PCBP4: variants seen among roughly 807,000 people sequenced by gnomAD.
PCBP4 encodes poly(rC)-binding protein 4.
In PCBP4, 24 loss-of-function variants were observed where a neutral mutation model predicts 46.2. The ratio of observed to expected loss-of-function variants is 0.52; its 90% CI spans 0.38 to 0.73. PCBP4 has a LOEUF of 0.73. Ranked by LOEUF, PCBP4 falls within the 30% of genes least tolerant of loss-of-function variation. The pLI is 0.00. For missense variants in PCBP4, 407 were observed against 537.0 expected, an observed-to-expected ratio of 0.76 and a Z score of 2.39; for synonymous variants, 203 against 224.4, an observed-to-expected ratio of 0.90 and a Z score of 0.85.
rs1443383168 is a variant in PCBP4, at chr3:51,959,795, C to T, written c.516+100G>A. On this transcript the variant is annotated intron_variant, in intron 8 of 13. Coordinates refer to ENST00000461554, the MANE Select transcript of PCBP4 (RefSeq NM_001174100.2). This position sits in a 1 kb window ranked among gnomAD's most constrained non-coding sequence, Gnocchi z 5.6. ...CTCATCATCCATCCCTGCAGCCCTG[C>T]CCTGCCCCACCTGCAGCACAGGCAT... The T allele has an allele frequency of 2.0e-6, 3 of 1,517,324 alleles. No individual in the cohort carries two copies. Among genetic ancestry groups the T allele is most frequent in the Non-Finnish European group, 2.7e-6 (3 of 1,120,484 alleles). The allele number at this position is 1,517,324 out of a possible 1,614,324, so 94.0% of individuals were successfully genotyped here. A position where few individuals can be genotyped will look rare whatever the true frequency, so the allele number is the denominator to read the frequency against.
rs538270374 is a variant in PCBP4 at position 51,961,590 on chromosome 3, A to G, written c.-64-286T>C. 1.8e-4 allele frequency: 61 copies of G among 345,672 alleles called. No homozygotes were observed. In the Middle Eastern group the frequency reaches 3.9e-3, roughly 22 times the overall value. 21.4% of individuals were successfully genotyped at this position (345,672 alleles called of 1,614,324 possible). On this transcript the variant is annotated intron_variant, in intron 2 of 13. Transcript: ENST00000461554. Reference sequence around the variant, plus strand: ...GAGAATTAAAACAATAAGCACATACATGGTAGGTACCTAGCCTTTCCCTTA... The same window carrying G: ...GAGAATTAAAACAATAAGCACATACGTGGTAGGTACCTAGCCTTTCCCTTA...
rs562650947 is a variant in PCBP4 at position 51,959,365 on chromosome 3, A to G, written c.636+2T>C. On this transcript the variant is annotated splice_donor_variant, in intron 10 of 13. Transcript: ENST00000461554. LOFTEE classifies it high-confidence loss of function. The surrounding 1 kb of genome is among the most constrained non-coding windows in gnomAD (Gnocchi z 5.6). ...GGGTGCCTTGGGCTATGGGTCACTCACCTCAGCTGGGGTCACAGCCCCATA... is the reference window on the plus strand; with the variant it reads ...GGGTGCCTTGGGCTATGGGTCACTCGCCTCAGCTGGGGTCACAGCCCCATA... 28 of 1,613,000 alleles carry G rather than the reference A, an allele frequency of 1.7e-5. No homozygotes were observed. The South Asian group carries it at 2.9e-4, about 16-fold the overall frequency.
chr3:51,961,813 G>A, intron 2 of PCBP4, 128 bp downstream of exon 2: 1 of 966,662 alleles, frequency 1.0e-6, no homozygotes. Context: ...AGCAGCTGGG[G>A]AGGAAGCTGG....
At position 51,958,217 on chromosome 3, in the gene PCBP4, G is replaced by C. The variant is rs1389721540; in HGVS notation, c.1056C>G (p.Ile352Met). 5 of 1,612,790 alleles carry C rather than the reference G, an allele frequency of 3.1e-6. No individual in the cohort carries two copies. In the South Asian group the frequency reaches 5.5e-5, roughly 18 times the overall value. Residue 352 changes from isoleucine (I) to methionine (M), a missense_variant, in exon 14 of 14, where the codon ATC (isoleucine) becomes ATG (methionine). Coordinates refer to ENST00000461554, the MANE Select transcript of PCBP4 (RefSeq NM_001174100.2). This position sits in a 1 kb window ranked among gnomAD's most constrained non-coding sequence, Gnocchi z 5.4. ...TGAGGCCGATGAAGTTGGAGAGGGA[G>C]ATGGCATAGGGTGTGCCCAGCAGGC... ...PPGLLGTPYA[I>M]SLSNFIGLKP...
Position 51,958,071 on chromosome 3 carries a change from G to T in PCBP4, c.1202C>A (p.Ser401Tyr), listed in dbSNP as rs568859772. The T allele has an allele frequency of 6.5e-7, 1 of 1,550,274 alleles. No individual in the cohort carries two copies. Among genetic ancestry groups the T allele is most frequent in the African/African-American group, 1.4e-5 (1 of 73,054 alleles). Reference protein sequence around the residue: ...GSKKAERQKFSPY With the variant: ...GSKKAERQKFYPY ...GTACCTCAGCTGGCCTCAGTAGGGG[G>T]AGAATTTCTGCCGCTCAGCCTTCTT... Residue 401 changes from serine to tyrosine, a missense_variant, in exon 14 of 14, where the codon TCC becomes TAC. Transcript: ENST00000461554. The surrounding 1 kb of genome is among the most constrained non-coding windows in gnomAD (Gnocchi z 5.4).
chr3:51,960,382 G>A lies in PCBP4; in HGVS notation c.256-62C>T. 6.3e-7 allele frequency: 1 copy of A among 1,590,288 alleles called. No homozygotes were observed. The highest frequency in any genetic ancestry group is 1.7e-5 in the Admixed American group (1 of 58,360). ...CCTGCTATATCTGCCCAGGGGTCAG[G>A]AGGGTACCCTTTCCCCAGTCCCACT... On this transcript the variant is annotated intron_variant, in intron 6 of 13. Coordinates refer to ENST00000461554, the MANE Select transcript of PCBP4 (RefSeq NM_001174100.2). The surrounding 1 kb of genome is among the most constrained non-coding windows in gnomAD (Gnocchi z 5.0).
At chr3:51,967,157 A>G (rs1700475280) in intron 1 of PCBP4, among the ~76,000 whole-genome samples, 169 bp downstream of exon 1, 1 of 152,126 alleles carries the variant, frequency 6.6e-6, no homozygotes, top group African/African-American at 2.4e-5. Context: ...CCTCTGGCAG[A>G]CCAGCGCCTC....
In PCBP4 at chr3:51,958,800, T is replaced by C; in HGVS notation, c.913A>G (p.Ile305Val). The C allele has an allele frequency of 6.2e-7, 1 of 1,612,394 alleles. No individual in the cohort carries two copies. Among genetic ancestry groups the C allele is most frequent in the South Asian group, 1.1e-5 (1 of 91,062 alleles). The change falls in exon 13 of 14, where the codon ATC becomes GTC. Residue 305 changes from isoleucine to valine, a missense_variant. Transcript: ENST00000461554. This position sits in a 1 kb window ranked among gnomAD's most constrained non-coding sequence, Gnocchi z 5.4. ...PVSIALAQYL[I>V]TACLETAKST... Reference sequence around the variant, plus strand: ...CCAGCCCGCGCTCACCAGGCAGTGATGAGGTACTGGGCCAGGGCGATGGAG... The same window carrying C: ...CCAGCCCGCGCTCACCAGGCAGTGACGAGGTACTGGGCCAGGGCGATGGAG...
Position 51,957,978 on chromosome 3 carries a change from G to A in PCBP4, c.*83C>T, listed in dbSNP as rs1255534767. ...CGTTAGCGGCGTTTGGGACCCCAGG[G>A]TGGAGTCTCCTTGGGCGGGTAGGGT... On this transcript the variant is annotated 3_prime_UTR_variant, in exon 14 of 14. Transcript: ENST00000461554. The A allele has an allele frequency of 7.5e-7, 1 of 1,326,838 alleles. No individual in the cohort carries two copies. The highest frequency in any genetic ancestry group is 1.5e-5 in the African/African-American group (1 of 67,080). The allele number at this position is 1,326,838 out of a possible 1,614,324, so 82.2% of individuals were successfully genotyped here.
intron 2 of PCBP4, chr3:51,961,617 C>T: frequency 2.8e-6 from 1 of 361,618 alleles, no homozygotes; most frequent in Middle Eastern, 1.1e-3. Context: ...TTTCCCTTAC[C>T]CTGAGACACT....
chr3:51,959,546 T>C lies in PCBP4; in HGVS notation c.591+31A>G, dbSNP rs2106733194. The C allele has an allele frequency of 6.5e-7, 1 of 1,542,648 alleles. No individual in the cohort carries two copies. The highest frequency in any genetic ancestry group is 2.4e-5 in the East Asian group (1 of 40,958). ...TATCTCAATCCCCCTTCTCCAGTAA[T>C]GTGTCCCACTGCTCCTGTTGTTCCC... is the stretch of plus-strand genomic sequence containing the variant. On this transcript the variant is annotated intron_variant, in intron 9 of 13. Transcript: ENST00000461554. The surrounding 1 kb of genome is among the most constrained non-coding windows in gnomAD (Gnocchi z 5.6).
intron 1 of PCBP4, 46 bp from the exon 2 acceptor site, chr3:51,962,134 G>A (rs1476738432): frequency 6.6e-6 from 1 of 152,156 alleles, no homozygotes; most frequent in African/African-American, 2.4e-5. Flanking sequence ...CACATTCCCA[G>A]CCTGGAACAC....
intron 1 of PCBP4, chr3:51,962,813 T>C (rs1700243889): frequency 6.6e-6 from 1 of 152,172 alleles, no homozygotes; most frequent in Admixed American, 6.5e-5. Flanking sequence ...TCCTCACCTA[T>C]CCAACGGAGG....
rs752663780 is a variant in PCBP4 at position 51,959,201 on chromosome 3, CCT to C, written c.700+26_700+27del. ...GGGGCTGCCCTCTTAGGACCCTCCC[CCT>C]GCCTCCTTGTGCAGGGGTGGCTTAC... is the stretch of plus-strand genomic sequence containing the variant. On this transcript the variant is annotated intron_variant, in intron 11 of 13. Coordinates refer to ENST00000461554, the MANE Select transcript of PCBP4 (RefSeq NM_001174100.2). This position sits in a 1 kb window ranked among gnomAD's most constrained non-coding sequence, Gnocchi z 5.6. The C allele has an allele frequency of 3.7e-6, 6 of 1,613,686 alleles. No individual in the cohort carries two copies. The highest frequency in any genetic ancestry group is 5.1e-6 in the Non-Finnish European group (6 of 1,179,788).
rs1290329098 is a variant in PCBP4 at position 51,957,864 on chromosome 3, C to G, written c.*197G>C. The G allele has an allele frequency of 1.8e-5, 9 of 498,340 alleles. No homozygotes were observed. The highest frequency in any genetic ancestry group is 3.1e-5 in the Non-Finnish European group (9 of 288,016). The allele number at this position is 498,340 out of a possible 1,614,324, so 30.9% of individuals were successfully genotyped here. On this transcript the variant is annotated 3_prime_UTR_variant, in exon 14 of 14. Transcript: ENST00000461554. ...CCCCTGCCCTGGGGCTGCCGCAGCT[C>G]AGACCCCTGGGCCAGAAACTGCCCC...
rs140296112 is a variant in PCBP4, at chr3:51,960,651, A to G, written c.139-9T>C. On this transcript the variant is annotated splice_polypyrimidine_tract_variant and intron_variant, in intron 5 of 13. Transcript: ENST00000461554. This position sits in a 1 kb window ranked among gnomAD's most constrained non-coding sequence, Gnocchi z 5.0. ...GTGATCCGGGCACTGCTCTGCAGAT[A>G]TAGAATGAGCGCCGGGCAGCGGGGC... 2,377 of 1,606,032 alleles carry G rather than the reference A, an allele frequency of 1.5e-3. 3 individuals carry two copies. The highest frequency in any genetic ancestry group is 1.4e-3 in the Non-Finnish European group (1,656 of 1,172,638).
Position 51,959,703 on chromosome 3 carries a change from TC to T in PCBP4, c.517-53del. The T allele has an allele frequency of 6.6e-7, 1 of 1,512,814 alleles. No homozygotes were observed. The highest frequency in any genetic ancestry group is 9.0e-7 in the Non-Finnish European group (1 of 1,113,202). 93.7% of individuals were successfully genotyped at this position (1,512,814 alleles called of 1,614,324 possible). A position where few individuals can be genotyped will look rare whatever the true frequency, so the allele number is the denominator to read the frequency against. On this transcript the variant is annotated intron_variant, in intron 8 of 13. Coordinates refer to ENST00000461554, the MANE Select transcript of PCBP4 (RefSeq NM_001174100.2). This position sits in a 1 kb window ranked among gnomAD's most constrained non-coding sequence, Gnocchi z 5.6. ...AGGACCCTCTCAGGCTCCGATAACC[TC>T]CCCAGCTGCCCAGTGGCCTCAGGCC...
rs760323336 is a variant in PCBP4, at chr3:51,958,376, C to T, written c.924-27G>A. The T allele has an allele frequency of 2.2e-5, 32 of 1,428,328 alleles. No homozygotes were observed. Among genetic ancestry groups the T allele is most frequent in the Non-Finnish European group, 2.9e-5 (31 of 1,086,806 alleles). The allele number at this position is 1,428,328 out of a possible 1,614,324, so 88.5% of individuals were successfully genotyped here. On this transcript the variant is annotated intron_variant, in intron 13 of 13. Coordinates refer to ENST00000461554, the MANE Select transcript of PCBP4 (RefSeq NM_001174100.2). This position sits in a 1 kb window ranked among gnomAD's most constrained non-coding sequence, Gnocchi z 5.4. ...TGGAGAGAGGGATATAGAGGGGAGA[C>T]AAAGGGGAAAGTGGGAGTGAGAGAG...
chr3:51,958,682 T>A lies in PCBP4; in HGVS notation c.923+108A>T, dbSNP rs1699957478. 3.9e-6 allele frequency: 5 copies of A among 1,272,426 alleles called. No homozygotes were observed. The South Asian group carries it at 7.1e-5, about 18-fold the overall frequency. The allele number at this position is 1,272,426 out of a possible 1,614,324, so 78.8% of individuals were successfully genotyped here. A position where few individuals can be genotyped will look rare whatever the true frequency, so the allele number is the denominator to read the frequency against. The stretch of plus-strand genomic sequence containing the variant: ...GGAGTAGGGTTAGGAGAGGCAGAGG[T>A]CGGGCCCAGACAGAGAGAGGAGGCC... On this transcript the variant is annotated intron_variant, in intron 13 of 13. Transcript: ENST00000461554. This position sits in a 1 kb window ranked among gnomAD's most constrained non-coding sequence, Gnocchi z 5.4.
Sources: gnomAD v4.1 joint callset for allele counts (sites outside exome capture counted in the v4.1 genomes callset) on GRCh38, gnomAD v4.1.1 for gene constraint, Gnocchi (gnomAD v3.1) non-coding constraint, MANE v1.5 for transcripts, NCBI Gene and HGNC (gene_info 2026-07-23, HGNC 2026-07-21) for gene names.